TMEM243: variants seen among roughly 807,000 people sequenced by gnomAD.
TMEM243 encodes transmembrane protein 243, also known as MDR1 and mitochondrial taxol resistance associated.
In TMEM243, 20 loss-of-function variants were observed where a neutral mutation model predicts 15.0. The observed-to-expected ratio is 1.33, with a 90% CI of 0.94 to 1.93. The LOEUF is 1.93. Ranked by LOEUF, TMEM243 falls within the 30% of genes most tolerant of loss-of-function variation. TMEM243 has a pLI of 0.00. For missense variants in TMEM243, 156 were observed against 142.1 expected (o/e 1.10, Z -0.50); for synonymous variants, 72 against 52.7 (o/e 1.37, Z -1.59).
intron 1 of TMEM243, among the ~76,000 whole-genome samples, chr7:87,209,876 G>T (rs191717929): frequency 1.9e-4 from 28 of 144,634 alleles, no homozygotes; most frequent in Admixed American, 8.1e-4. Flanking sequence ...GCAAGAGACA[G>T]TGAGAGCGTG....
intron 1 of TMEM243, among the ~76,000 whole-genome samples, chr7:87,216,115 CA>C (rs776098328): frequency 9.3e-5 from 14 of 150,590 alleles, no homozygotes; most frequent in Non-Finnish European, 1.5e-4. Flanking sequence ...ACTAAAAATA[CA>C]AAAAAAAATT....
chr7:87,198,108 G>A (rs1801495365), intron 2 of TMEM243, 63 bp from the exon 3 acceptor site: 5 of 1,387,256 alleles, frequency 3.6e-6, no homozygotes, highest in South Asian at 2.6e-5. Context: ...ATTACCAACT[G>A]GAGTCTAGGC....
At chr7:87,209,871 A>C (rs1242757567) in intron 1 of TMEM243, among the ~76,000 whole-genome samples, 7 of 145,224 alleles carry the variant, frequency 4.8e-5, no homozygotes, top group Non-Finnish European at 1.1e-4. Flanking sequence ...AGAGAGCAAG[A>C]GACAGTGAGA....
intron 1 of TMEM243, among the ~76,000 whole-genome samples, chr7:87,209,552 G>GAC (rs1491099297): frequency 5.1e-4 from 1 of 1,952 alleles, no homozygotes; most frequent in African/African-American, 6.8e-3. Context: ...GAGAGACAAT[G>GAC]AGAGAGACAA....
chr7:87,202,030 A>G (rs1024479956), intron 1 of TMEM243, among the ~76,000 whole-genome samples: 1 of 152,214 alleles, frequency 6.6e-6, no homozygotes, highest in Non-Finnish European at 1.5e-5. Flanking sequence ...ATGAACATAA[A>G]GACAGACGTT....
intron 1 of TMEM243, among the ~76,000 whole-genome samples, chr7:87,204,542 A>G (rs918709582): frequency 1.3e-5 from 2 of 152,208 alleles, no homozygotes; most frequent in African/African-American, 4.8e-5. Context: ...CCAAATCAGA[A>G]AAACTGGCCA....
intron 1 of TMEM243, among the ~76,000 whole-genome samples, chr7:87,217,194 T>C (rs1366706444): frequency 6.6e-6 from 1 of 152,236 alleles, no homozygotes; most frequent in African/African-American, 2.4e-5. Context: ...GAGACTAGGA[T>C]AGGAACTGGG....
intron 3 of TMEM243, 64 bp downstream of exon 3, chr7:87,197,877 T>G (rs1253166891): frequency 2.5e-6 from 4 of 1,609,628 alleles, no homozygotes; most frequent in East Asian, 2.3e-5. Flanking sequence ...GGCTGAAAAT[T>G]TTTGTCCTGT....
At position 87,196,162 on chromosome 7, in the gene TMEM243, T is replaced by C. The variant is rs1180192707; in HGVS notation, c.*474A>G. 6.5e-6 allele frequency: 1 copy of C among 153,524 alleles called. No homozygotes were observed. Among genetic ancestry groups the C allele is most frequent in the East Asian group, 1.9e-4 (1 of 5,222 alleles). The allele number at this position is 153,524 out of a possible 1,614,324, so 9.5% of individuals were successfully genotyped here. The stretch of plus-strand genomic sequence containing the variant: ...TAGAAAAGTCAAGAAAAAAAAACCC[T>C]TGTATAAATTATTTTATTTATTATT... On this transcript the variant is annotated 3_prime_UTR_variant, in exon 4 of 4. Transcript: ENST00000257637.
At chr7:87,207,210 C>T (rs997553142) in intron 1 of TMEM243, among the ~76,000 whole-genome samples, 2 of 152,232 alleles carry the variant, frequency 1.3e-5, no homozygotes, top group African/African-American at 4.8e-5. Context: ...GGCATCACAG[C>T]TCTGAACTCC....
At chr7:87,209,684 C>CAGAGAGAG (rs1554365988) in intron 1 of TMEM243, among the ~76,000 whole-genome samples, 1 of 73,194 alleles carries the variant, frequency 1.4e-5, no homozygotes, top group Admixed American at 1.3e-4. Context: ...GAGCGAGACA[C>CAGAGAGAG]AGCGAGAGAG....
At chr7:87,207,927 T>G (rs905644474) in intron 1 of TMEM243, among the ~76,000 whole-genome samples, 2 of 152,058 alleles carry the variant, frequency 1.3e-5, no homozygotes, top group Non-Finnish European at 2.9e-5. Flanking sequence ...CTCATGCCCC[T>G]GTGTACTCAG....
intron 1 of TMEM243, chr7:87,202,881 T>C (rs904375086): frequency 2.6e-5 from 4 of 152,260 alleles, no homozygotes; most frequent in African/African-American, 9.6e-5. Context: ...TTACACTTTA[T>C]GGTTCTGAAT....
At chr7:87,209,332 CTG>C (rs959961210) in intron 1 of TMEM243, among the ~76,000 whole-genome samples, 68 of 148,090 alleles carry the variant, frequency 4.6e-4, no homozygotes, top group African/African-American at 1.7e-3. Flanking sequence ...ATGAGGGAGA[CTG>C]GGGAGAAGAG....
chr7:87,209,854 G>GCA (rs1385225419), intron 1 of TMEM243, among the ~76,000 whole-genome samples: 7 of 144,568 alleles, frequency 4.8e-5, no homozygotes, highest in Admixed American at 6.9e-5. Context: ...GTGAGAGCGA[G>GCA]AGAGAGAGAG....
intron 3 of TMEM243, 22 bp from the exon 4 acceptor site, chr7:87,196,780 ATAAAT>A (rs1801298219): frequency 6.8e-7 from 1 of 1,480,522 alleles, no homozygotes; most frequent in Admixed American, 2.2e-5. Flanking sequence ...ATTAAAGTTT[ATAAAT>A]TAAAATTTGA....
At chr7:87,203,078 C>T (rs556575131) in intron 1 of TMEM243, 2 of 152,556 alleles carry the variant, frequency 1.3e-5, no homozygotes, top group East Asian at 3.8e-4. Context: ...AAAGCTAGCT[C>T]TGCCCTCAGC....
intron 1 of TMEM243, chr7:87,203,075 G>A (rs538326660): frequency 6.6e-6 from 1 of 152,494 alleles, no homozygotes; most frequent in African/African-American, 2.4e-5. Context: ...CCAAAAGCTA[G>A]CTCTGCCCTC....
At chr7:87,210,761 T>C (rs1026131100) in intron 1 of TMEM243, among the ~76,000 whole-genome samples, 2 of 152,194 alleles carry the variant, frequency 1.3e-5, no homozygotes, top group African/African-American at 4.8e-5. Context: ...GCGCTGAGTG[T>C]CTGTGGCTTT....
Sources: allele counts gnomAD v4.1 joint callset (sites outside exome capture counted in the v4.1 genomes callset), GRCh38; gene constraint gnomAD v4.1.1; transcripts MANE v1.5; gene names NCBI Gene and HGNC (gene_info 2026-07-23, HGNC 2026-07-21).